EXT2: variants seen among roughly 807,000 people sequenced by gnomAD.
The protein encoded by EXT2 is exostosin-2.
EXT2 carries 53 observed loss-of-function variants against 81.6 expected under a neutral mutation model. The ratio of observed to expected loss-of-function variants is 0.65; its 90% confidence interval spans 0.52 to 0.82. The LOEUF (loss-of-function observed/expected upper bound fraction) is 0.82. Ranked by LOEUF, EXT2 falls within the 40% of genes least tolerant of loss-of-function variation. EXT2 has a pLI of 0.00. For missense variants in EXT2, 774 were observed against 910.2 expected, an observed-to-expected ratio of 0.85 and a Z score of 1.93; for synonymous variants, 320 against 340.0, an observed-to-expected ratio of 0.94 and a Z score of 0.65.
At chr11:44,174,497 C>G (rs1332284889) in intron 8 of EXT2, among the ~76,000 whole-genome samples, 1 of 151,708 alleles carries the variant, frequency 6.6e-6, no homozygotes, top group Non-Finnish European at 1.5e-5. Context: ...TTTTCTTATA[C>G]TCTAATAAAA....
intron 4 of EXT2, among the ~76,000 whole-genome samples, chr11:44,117,866 A>G (rs941775134): frequency 8.5e-5 from 13 of 152,132 alleles, no homozygotes; most frequent in African/African-American, 2.9e-4. Context: ...GGCTCAGGTG[A>G]TCCTCCTGCC....
chr11:44,170,810 TCA>T (rs58131996), intron 7 of EXT2, among the ~76,000 whole-genome samples: 4,910 of 145,506 alleles, frequency 0.034, 113 homozygotes, highest in South Asian at 0.053. Flanking sequence ...ACGTTCACAT[TCA>T]CACACACACA....
At chr11:44,229,453 G>T (rs1024097107) in intron 10 of EXT2, among the ~76,000 whole-genome samples, 2 of 152,218 alleles carry the variant, frequency 1.3e-5, no homozygotes, top group Admixed American at 6.5e-5. Context: ...AGCCAAGGTT[G>T]TGGGTTTGAG....
chr11:44,107,780 G>T lies in EXT2; in HGVS notation c.68G>T (p.Arg23Leu). ...ALIPRMKTKH[R>L]IYYITLFSIV... ...ATCCCAAGAATGAAGACCAAGCACC[G>T]AATCTACTATATCACCCTCTTCTCC... is the stretch of plus-strand genomic sequence containing the variant. The change falls in exon 2 of 14, where the codon CGA (arginine) becomes CTA (leucine). Residue 23 changes from arginine to leucine, a missense_variant. By Grantham distance (102) the Arg-to-Leu change is moderately radical. Transcript: ENST00000533608. 6.2e-7 allele frequency: 1 copy of T among 1,614,120 alleles called. No individual in the cohort carries two copies. The highest frequency in any genetic ancestry group is 8.5e-7 in the Non-Finnish European group (1 of 1,180,034).
At chr11:44,156,544 C>T (rs752398459) in intron 7 of EXT2, among the ~76,000 whole-genome samples, 6 of 152,074 alleles carry the variant, frequency 3.9e-5, no homozygotes, top group Admixed American at 6.5e-5. Flanking sequence ...TTTTTAGCTC[C>T]AGAATTTCTG....
chr11:44,170,372 G>A (rs1029971015), intron 7 of EXT2, among the ~76,000 whole-genome samples: 1 of 151,960 alleles, frequency 6.6e-6, no homozygotes, highest in Admixed American at 6.6e-5. Flanking sequence ...TAAAAATAAA[G>A]AAAGGTTGAA....
At position 44,244,386 on chromosome 11, in the gene EXT2, A is replaced by T; in HGVS notation, c.*99A>T. On this transcript the variant is annotated 3_prime_UTR_variant, in exon 14 of 14. Transcript: ENST00000533608. ...GTCAGAGTAGTAGGTTAAGGGTGGA[A>T]GGTTGACCTACTTGGATCTTGGCAT... 1 of 1,357,708 alleles carries T rather than the reference A, an allele frequency of 7.4e-7. No homozygotes were observed. The highest frequency in any genetic ancestry group is 1.0e-6 in the Non-Finnish European group (1 of 952,632). The allele number at this position is 1,357,708 out of a possible 1,614,324, so 84.1% of individuals were successfully genotyped here.
chr11:44,105,640 G>T (rs1247575817), intron 1 of EXT2, among the ~76,000 whole-genome samples: 1 of 152,198 alleles, frequency 6.6e-6, no homozygotes, highest in Non-Finnish European at 1.5e-5. Flanking sequence ...AAAATAGCTT[G>T]TTGCAGTAAC....
At chr11:44,148,747 GA>G (rs1590595736) in intron 7 of EXT2, among the ~76,000 whole-genome samples, 1 of 152,222 alleles carries the variant, frequency 6.6e-6, no homozygotes, top group African/African-American at 2.4e-5. Flanking sequence ...ACAGTTAACA[GA>G]CACAAATCTC....
rs1010238797 is a variant in EXT2 at position 44,232,421 on chromosome 11, G to GAAT, written c.1734_1736dup (p.Asn578dup). 1.2e-6 allele frequency: 2 copies of GAAT among 1,613,944 alleles called. No homozygotes were observed. Among genetic ancestry groups the GAAT allele is most frequent in the African/African-American group, 2.7e-5 (2 of 74,894 alleles). On this transcript the variant is annotated inframe_insertion, in exon 11 of 14. Coordinates refer to ENST00000533608, the MANE Select transcript of EXT2 (RefSeq NM_207122.2). The stretch of plus-strand genomic sequence containing the variant: ...GTCTGCATCTCTGGGACCATGAGAT[G>GAAT]AATAAGTGGAAGTATGAGTCTGAGT...
At chr11:44,226,025 C>T (rs537811904) in intron 10 of EXT2, among the ~76,000 whole-genome samples, 1 of 152,318 alleles carries the variant, frequency 6.6e-6, no homozygotes, top group Admixed American at 6.5e-5. Context: ...GCAGTATCTT[C>T]CTAGTAGTGG....
chr11:44,221,745 C>T (rs541320919), intron 10 of EXT2, among the ~76,000 whole-genome samples: 5 of 152,324 alleles, frequency 3.3e-5, no homozygotes, highest in South Asian at 2.1e-4. Flanking sequence ...TCACTCAAGA[C>T]GGCAGTGTAT....
chr11:44,119,169 T>TATATATACACACAC (rs1192115471), intron 4 of EXT2, among the ~76,000 whole-genome samples: 1 of 63,152 alleles, frequency 1.6e-5, no homozygotes, highest in African/African-American at 5.9e-5. Context: ...TATATATATA[T>TATATATACACACAC]ACACATACAC....
chr11:44,155,362 T>C (rs1253406516), intron 7 of EXT2, among the ~76,000 whole-genome samples: 1 of 152,146 alleles, frequency 6.6e-6, no homozygotes, highest in African/African-American at 2.4e-5. Flanking sequence ...TTTTGTTATT[T>C]GTTTCCTGGT....
In EXT2 at chr11:44,249,722, G is replaced by A. The variant is rs531685513; in HGVS notation, c.*5435G>A. On this transcript the variant is annotated 3_prime_UTR_variant, in exon 14 of 14. Transcript: ENST00000533608. ...CAACTAGTTACTGATCCAGATGAGGGAAGAGAACATTTATTCAGTCATTCT... is the reference window on the plus strand; with the variant it reads ...CAACTAGTTACTGATCCAGATGAGGAAAGAGAACATTTATTCAGTCATTCT... Among the ~76,000 whole-genome samples, 2 of 152,232 alleles carry A rather than the reference G, an allele frequency of 1.3e-5. No individual in the cohort carries two copies. The highest frequency in any genetic ancestry group is 4.1e-4 in the South Asian group (2 of 4,834).
intron 7 of EXT2, among the ~76,000 whole-genome samples, chr11:44,135,681 T>A (rs1303555890): frequency 6.6e-6 from 1 of 152,152 alleles, no homozygotes; most frequent in Non-Finnish European, 1.5e-5. Flanking sequence ...CATGAGCCAC[T>A]GCACTGGGTG....
intron 7 of EXT2, among the ~76,000 whole-genome samples, chr11:44,138,470 G>A (rs1954601538): frequency 6.6e-6 from 1 of 151,642 alleles, no homozygotes; most frequent in Non-Finnish European, 1.5e-5. Context: ...TTTTCATGGT[G>A]TACTGCAGTA....
At chr11:44,217,218 A>G (rs529175029) in intron 10 of EXT2, among the ~76,000 whole-genome samples, 2 of 152,048 alleles carry the variant, frequency 1.3e-5, no homozygotes, top group Non-Finnish European at 2.9e-5. Context: ...TTAAATGTAC[A>G]TTGAATATAA....
rs140692162 is a variant in EXT2, at chr11:44,099,963, A to G, written c.-31+4111A>G. 2.4e-3 allele frequency among the ~76,000 whole-genome samples: 366 copies of G among 152,274 alleles called. 3 individuals carry two copies. The highest frequency in any genetic ancestry group is 4.5e-3 in the Admixed American group (69 of 15,296). On this transcript the variant is annotated intron_variant, in intron 1 of 13. Transcript: ENST00000533608. ...GGGAGTTCGCTTAGCTTGTGTCGAC[A>G]CACTTCACAAGCATGGAGGAGTTTA...
Sources: gnomAD v4.1 joint callset for allele counts (sites outside exome capture counted in the v4.1 genomes callset) on GRCh38, gnomAD v4.1.1 for gene constraint, MANE v1.5 for transcripts, NCBI Gene and HGNC (gene_info 2026-07-23, HGNC 2026-07-21) for gene names.